Variants in ZNF385D observed in about 807,000 individuals in gnomAD.
ZNF385D encodes zinc finger protein 659.
A neutral mutation model predicts 35.8 loss-of-function variants in ZNF385D; 15 were observed. That is an observed-to-expected ratio of 0.42 (90% CI 0.28 to 0.64). ZNF385D has a LOEUF of 0.64. Among genes scored for constraint, ZNF385D ranks in the 30% least tolerant of loss-of-function variants. The pLI, the probability that ZNF385D is intolerant of heterozygous loss-of-function variation, is 0.23. For missense variants in ZNF385D, 474 were observed against 494.6 expected, an observed-to-expected ratio of 0.96 and a Z score of 0.39; for synonymous variants, 212 against 186.8, an observed-to-expected ratio of 1.13 and a Z score of -1.10.
chr3:22,162,179 A>G, intron 3 of ZNF385D, among the ~76,000 whole-genome samples: 1 of 152,186 alleles, frequency 6.6e-6, no homozygotes, highest in East Asian at 1.9e-4. Context: ...TTGCATTTGC[A>G]CAATAAAACA....
intron 4 of ZNF385D, among the ~76,000 whole-genome samples, chr3:21,468,468 C>T (rs920552697): frequency 6.6e-6 from 1 of 150,416 alleles, no homozygotes; most frequent in African/African-American, 2.4e-5. Flanking sequence ...AAAAGCACCT[C>T]TGGAAAGCAA....
chr3:22,361,163 T>C (rs1199234997), intron 2 of ZNF385D, among the ~76,000 whole-genome samples: 1 of 152,040 alleles, frequency 6.6e-6, no homozygotes, highest in Non-Finnish European at 1.5e-5. Context: ...ATTCATTGAA[T>C]AACACAGAAT....
At chr3:21,932,406 G>T (rs772431623) in intron 3 of ZNF385D, among the ~76,000 whole-genome samples, 3 of 150,334 alleles carry the variant, frequency 2.0e-5, no homozygotes, top group African/African-American at 7.5e-5. Context: ...CTTAATATGG[G>T]GATAGATTTT....
At chr3:21,503,527 A>G (rs936626003) in intron 4 of ZNF385D, among the ~76,000 whole-genome samples, 3 of 152,042 alleles carry the variant, frequency 2.0e-5, no homozygotes, top group Admixed American at 2.0e-4. Context: ...TACATTTCTC[A>G]TTTGTTCACT....
chr3:21,424,088 C>A (rs750160667), intron 6 of ZNF385D, 24 bp from the exon 7 acceptor site: 2 of 1,538,986 alleles, frequency 1.3e-6, no homozygotes, highest in East Asian at 5.0e-5. Flanking sequence ...TTTAAAATGA[C>A]AGCTTTAAAA....
chr3:21,622,775 G>T (rs1340844825), intron 2 of ZNF385D, among the ~76,000 whole-genome samples: 1 of 151,782 alleles, frequency 6.6e-6, no homozygotes, highest in Non-Finnish European at 1.5e-5. Context: ...ATTTGATCAT[G>T]GCTCTAATAC....
chr3:21,848,844 T>C (rs1473149216), intron 3 of ZNF385D, among the ~76,000 whole-genome samples: 1 of 152,070 alleles, frequency 6.6e-6, no homozygotes, highest in African/African-American at 2.4e-5. Context: ...TCGTCTTACA[T>C]AGACTCTAAA....
chr3:21,834,219 T>C (rs1011529018), intron 3 of ZNF385D, among the ~76,000 whole-genome samples: 1 of 152,104 alleles, frequency 6.6e-6, no homozygotes, highest in East Asian at 1.9e-4. Context: ...TGAAGTATCC[T>C]AGTTATATTC....
chr3:22,057,498 A>G (rs372803429), intron 3 of ZNF385D, among the ~76,000 whole-genome samples: 18 of 147,368 alleles, frequency 1.2e-4, no homozygotes, highest in Admixed American at 5.7e-4. Context: ...TTATTTATTT[A>G]TTTTCTTTTA....
intron 2 of ZNF385D, among the ~76,000 whole-genome samples, chr3:21,616,347 T>C (rs1200134977): frequency 6.6e-6 from 1 of 152,200 alleles, no homozygotes; most frequent in East Asian, 1.9e-4. Flanking sequence ...TTTTGTTTAC[T>C]GCTGGGAATA....
At chr3:22,193,520 T>C (rs1370650195) in intron 2 of ZNF385D, among the ~76,000 whole-genome samples, 5 of 152,108 alleles carry the variant, frequency 3.3e-5, no homozygotes, top group African/African-American at 1.2e-4. Flanking sequence ...AAATGAATTT[T>C]AGCAGAATTA....
At chr3:21,818,548 T>C (rs1285320022) in intron 3 of ZNF385D, among the ~76,000 whole-genome samples, 1 of 152,120 alleles carries the variant, frequency 6.6e-6, no homozygotes, top group Admixed American at 6.6e-5. Context: ...CAGAGAGATA[T>C]CCCAAAATAT....
At chr3:21,901,813 G>C (rs1426131656) in intron 3 of ZNF385D, among the ~76,000 whole-genome samples, 1 of 152,156 alleles carries the variant, frequency 6.6e-6, no homozygotes, top group Admixed American at 6.6e-5. Flanking sequence ...AGACTAACAG[G>C]TTATTTGAGG....
chr3:22,321,195 G>A (rs1418069259), intron 2 of ZNF385D, among the ~76,000 whole-genome samples: 3 of 91,156 alleles, frequency 3.3e-5, no homozygotes, highest in Non-Finnish European at 4.6e-5. Flanking sequence ...TCATTTTCTG[G>A]CATCTCTTTT....
At chr3:21,922,604 G>A (rs1015842017) in intron 3 of ZNF385D, among the ~76,000 whole-genome samples, 11 of 152,200 alleles carry the variant, frequency 7.2e-5, no homozygotes, top group Middle Eastern at 3.4e-3. Context: ...AATAAAACTG[G>A]ACCCCTTCCT....
At chr3:21,934,463 T>C (rs1701166022) in intron 3 of ZNF385D, among the ~76,000 whole-genome samples, 1 of 152,156 alleles carries the variant, frequency 6.6e-6, no homozygotes, top group Admixed American at 6.5e-5. Flanking sequence ...TTATATATTC[T>C]GAGGTTAGTA....
At chr3:21,630,909 G>A (rs991909563) in intron 2 of ZNF385D, among the ~76,000 whole-genome samples, 1 of 152,054 alleles carries the variant, frequency 6.6e-6, no homozygotes, top group Non-Finnish European at 1.5e-5. Flanking sequence ...GTGAGATGAA[G>A]TAATTACCCA....
At chr3:22,310,961 A>C (rs1703507607) in intron 2 of ZNF385D, among the ~76,000 whole-genome samples, 3 of 151,944 alleles carry the variant, frequency 2.0e-5, no homozygotes, top group South Asian at 2.1e-4. Flanking sequence ...TAAGTCATTA[A>C]ATTTTATGAA....
chr3:21,750,812 G>T, intron 1 of ZNF385D, 83 bp downstream of exon 1: 1 of 1,572,246 alleles, frequency 6.4e-7, no homozygotes, highest in Non-Finnish European at 8.7e-7. Context: ...TATTCTTGCT[G>T]CTTAAAGAAT....
Sources: allele counts gnomAD v4.1 joint callset (sites outside exome capture counted in the v4.1 genomes callset), GRCh38; gene constraint gnomAD v4.1.1; transcripts MANE v1.5; gene names NCBI Gene and HGNC (gene_info 2026-07-23, HGNC 2026-07-21).